The following CHN2 variants were observed in gnomAD, a reference collection of about 807,000 sequenced individuals.
The protein encoded by CHN2 is beta-chimaerin.
In CHN2, 35 loss-of-function variants were observed where a neutral mutation model predicts 56.3. The observed-to-expected ratio is 0.62, with a 90% CI of 0.47 to 0.82. The LOEUF (loss-of-function observed/expected upper bound fraction) is 0.82, where lower values mean the gene tolerates loss of function less well. Among genes scored for constraint, CHN2 ranks in the 40% least tolerant of loss-of-function variants. The pLI is 0.00. For missense variants in CHN2, 491 were observed against 580.5 expected (o/e 0.85, Z 1.58); for synonymous variants, 210 against 212.8 (o/e 0.99, Z 0.12).
chr7:29,173,333 T>G (rs1796858939), intron 2 of CHN2, among the ~76,000 whole-genome samples: 2 of 152,186 alleles, frequency 1.3e-5, no homozygotes, highest in African/African-American at 4.8e-5. Flanking sequence ...CCTAACTTTC[T>G]GCAGCCATAT....
At chr7:29,347,148 G>C (rs1440661368) in intron 1 of CHN2, among the ~76,000 whole-genome samples, 1 of 152,146 alleles carries the variant, frequency 6.6e-6, no homozygotes, top group African/African-American at 2.4e-5. Context: ...GCCCAGTGTT[G>C]GTGAGAGAGG....
intron 1 of CHN2, among the ~76,000 whole-genome samples, chr7:29,226,624 T>TA: frequency 6.6e-6 from 1 of 152,228 alleles, no homozygotes; most frequent in South Asian, 2.1e-4. Context: ...TCACTCAATA[T>TA]AAAAAAATCA....
At chr7:29,464,349 A>C (rs1227868234) in intron 6 of CHN2, among the ~76,000 whole-genome samples, 2 of 152,200 alleles carry the variant, frequency 1.3e-5, no homozygotes, top group Admixed American at 6.5e-5. Context: ...TCCTCCAAGA[A>C]AGTGATATAT....
Position 29,355,122 on chromosome 7 carries a change from C to A in CHN2, c.88+459C>A, listed in dbSNP as rs192926654. Among the ~76,000 whole-genome samples the A allele has an allele frequency of 8.1e-3, 1,231 of 152,044 alleles. 9 individuals are homozygous for A. Among genetic ancestry groups the A allele is most frequent in the African/African-American group, 0.025 (1,046 of 41,490 alleles). The stretch of plus-strand genomic sequence containing the variant: ...TAGCTGAGATTACAGGCATGCGCCA[C>A]CATGCCCGGCTAATTTTTTTGTATT... On this transcript the variant is annotated intron_variant, in intron 2 of 12. Transcript: ENST00000222792.
At chr7:29,460,106 C>A (rs968966951) in intron 6 of CHN2, among the ~76,000 whole-genome samples, 2 of 152,190 alleles carry the variant, frequency 1.3e-5, no homozygotes, top group East Asian at 3.9e-4. Context: ...CTGGCTTTCA[C>A]CCCCAGAGAT....
intron 3 of CHN2, 81 bp from the exon 4 acceptor site, chr7:29,393,598 G>C: frequency 1.6e-6 from 1 of 636,736 alleles, no homozygotes; most frequent in Non-Finnish European, 2.5e-6. Flanking sequence ...CAGGACCCTA[G>C]TTCTGTTTAT....
chr7:29,398,562 T>A, intron 5 of CHN2, 76 bp downstream of exon 5: 1 of 897,566 alleles, frequency 1.1e-6, no homozygotes, highest in Non-Finnish European at 1.8e-6. Context: ...TTAAGAATTG[T>A]AGCAGAGTAT....
intron 6 of CHN2, among the ~76,000 whole-genome samples, chr7:29,405,347 T>C (rs1273413744): frequency 6.6e-6 from 1 of 152,138 alleles, no homozygotes; most frequent in South Asian, 2.1e-4. Flanking sequence ...TTACTAAAGG[T>C]TGGAGCTGGG....
chr7:29,263,924 G>C (rs1388448027), intron 1 of CHN2, among the ~76,000 whole-genome samples: 8 of 151,004 alleles, frequency 5.3e-5, no homozygotes, highest in Non-Finnish European at 8.9e-5. Context: ...CCCTGTCCGG[G>C]AGCTGGGGGG....
At chr7:29,314,572 A>G (rs909391681) in intron 1 of CHN2, among the ~76,000 whole-genome samples, 1 of 152,222 alleles carries the variant, frequency 6.6e-6, no homozygotes, top group Non-Finnish European at 1.5e-5. Flanking sequence ...GTGTAAAACT[A>G]TTTTAACCTG....
At chr7:29,361,383 C>G (rs750729916) in intron 2 of CHN2, among the ~76,000 whole-genome samples, 1 of 152,116 alleles carries the variant, frequency 6.6e-6, no homozygotes, top group African/African-American at 2.4e-5. Context: ...ATCTCATTAT[C>G]TTTATAGCCA....
chr7:29,507,331 A>G lies in CHN2; in HGVS notation c.1095A>G (p.Thr365=), dbSNP rs1790690671. 1.2e-6 allele frequency: 2 copies of G among 1,612,116 alleles called. No individual in the cohort carries two copies. The change falls in exon 11 of 13, where the codon ACA becomes ACG. Residue 365 remains threonine (T), a synonymous_variant. Coordinates refer to ENST00000222792, the MANE Select transcript of CHN2 (RefSeq NM_004067.4). The stretch of plus-strand genomic sequence containing the variant: ...GAGACTTACCCATCCCTGTCATCAC[A>G]TATGATACCTATTCCAAATTTATAG... ...YFRDLPIPVI[T]YDTYSKFIDA...
In CHN2 at chr7:29,482,797, C is replaced by CTTTTTTTTTTTTTTTTT. The variant is rs375120538; in HGVS notation, c.654+2467_654+2483dup. 1.7e-4 allele frequency among the ~76,000 whole-genome samples: 11 copies of CTTTTTTTTTTTTTTTTT among 64,214 alleles called. 4 individuals carry two copies. The highest frequency in any genetic ancestry group is 2.9e-4 in the Non-Finnish European group (10 of 34,262). 42.1% of individuals were successfully genotyped at this position (64,214 alleles called of 152,430 possible). A position where few individuals can be genotyped will look rare whatever the true frequency, so the allele number is the denominator to read the frequency against. ...TGCTAGGTGCTGTCTGCACTTTTTT[C>CTTTTTTTTTTTTTTTTT]TTTTTTTTTTTTTTTTTTTTTTTTT... On this transcript the variant is annotated intron_variant, in intron 7 of 12. Transcript: ENST00000222792.
chr7:29,456,790 G>A (rs932343337), intron 6 of CHN2, among the ~76,000 whole-genome samples: 1 of 152,092 alleles, frequency 6.6e-6, no homozygotes, highest in Admixed American at 6.5e-5. Context: ...AGGAATGCAG[G>A]CATTTAGGGC....
At chr7:29,354,832 C>T (rs567457480) in intron 2 of CHN2, among the ~76,000 whole-genome samples, 169 bp downstream of exon 2, 4 of 152,150 alleles carry the variant, frequency 2.6e-5, no homozygotes, top group African/African-American at 7.2e-5. Flanking sequence ...TTAACAGAGC[C>T]CCCTCCTCTT....
intron 1 of CHN2, among the ~76,000 whole-genome samples, chr7:29,318,509 T>C (rs1170577622): frequency 6.6e-6 from 1 of 152,188 alleles, no homozygotes. Context: ...CTGCTGAGCC[T>C]GTCCTGGGAG....
At chr7:29,259,902 T>G (rs966271065) in intron 1 of CHN2, among the ~76,000 whole-genome samples, 4 of 152,210 alleles carry the variant, frequency 2.6e-5, no homozygotes, top group African/African-American at 9.6e-5. Context: ...AGTGGAAATA[T>G]AGATGGAAAC....
intron 3 of CHN2, among the ~76,000 whole-genome samples, chr7:29,383,297 G>A (rs1241969076): frequency 1.3e-5 from 2 of 152,102 alleles, no homozygotes; most frequent in Non-Finnish European, 2.9e-5. Context: ...GAGCTCTCGA[G>A]CTGATGGTGT....
At chr7:29,267,419 T>C (rs1205635437) in intron 1 of CHN2, among the ~76,000 whole-genome samples, 1 of 151,960 alleles carries the variant, frequency 6.6e-6, no homozygotes, top group African/African-American at 2.4e-5. Context: ...ATTTTTTGTA[T>C]TTTTAGTAGA....
Sources: gnomAD v4.1 joint callset for allele counts (sites outside exome capture counted in the v4.1 genomes callset) on GRCh38, gnomAD v4.1.1 for gene constraint, MANE v1.5 for transcripts, NCBI Gene and HGNC (gene_info 2026-07-23, HGNC 2026-07-21) for gene names.